The following PCDH7 variants were observed in gnomAD, a reference collection of about 807,000 sequenced individuals.
PCDH7 encodes protocadherin 7.
In PCDH7, 17 loss-of-function variants were observed where a neutral mutation model predicts 58.9. The ratio of observed to expected loss-of-function variants is 0.29; its 90% CI spans 0.20 to 0.43. The LOEUF is 0.43. Among genes scored for constraint, PCDH7 ranks in the 20% least tolerant of loss-of-function variants. PCDH7 has a pLI of 1.00. For synonymous variants in PCDH7, 664 were observed against 616.4 expected (o/e 1.08, Z -1.14); for missense variants, 1,274 against 1,441.0 (o/e 0.88, Z 1.88).
chr4:31,115,901 G>T (rs1716930499), intron 3 of PCDH7, among the ~76,000 whole-genome samples: 5 of 152,020 alleles, frequency 3.3e-5, no homozygotes, highest in South Asian at 4.2e-4. Context: ...AACCTCCATT[G>T]TATCCAGAGG....
At chr4:30,931,129 A>C (rs1278914598) in intron 2 of PCDH7, among the ~76,000 whole-genome samples, 1 of 152,310 alleles carries the variant, frequency 6.6e-6, no homozygotes, top group East Asian at 1.9e-4. Context: ...GGACATTTGC[A>C]TGGGAGGTAT....
intron 3 of PCDH7, among the ~76,000 whole-genome samples, chr4:31,025,014 G>A (rs893027486): frequency 1.3e-5 from 2 of 152,138 alleles, no homozygotes; most frequent in South Asian, 2.1e-4. Flanking sequence ...GAGTGCTGGC[G>A]TTTCAGGCGT....
chr4:30,939,693 G>T (rs35036278), intron 2 of PCDH7, among the ~76,000 whole-genome samples: 1 of 151,736 alleles, frequency 6.6e-6, no homozygotes, highest in South Asian at 2.1e-4. Flanking sequence ...AATTTAATAC[G>T]CACATTGGAG....
chr4:30,757,866 A>C (rs1385902646), intron 1 of PCDH7, among the ~76,000 whole-genome samples: 1 of 152,212 alleles, frequency 6.6e-6, no homozygotes, highest in Non-Finnish European at 1.5e-5. Flanking sequence ...GAGTGATCAG[A>C]TTAGTGACTG....
chr4:30,798,812 A>G (rs1249425232), intron 1 of PCDH7, among the ~76,000 whole-genome samples: 2 of 152,216 alleles, frequency 1.3e-5, no homozygotes, highest in Non-Finnish European at 2.9e-5. Flanking sequence ...TAACTGTTCA[A>G]GTTATAAACT....
chr4:31,026,028 A>G (rs193148967), intron 3 of PCDH7, among the ~76,000 whole-genome samples: 1 of 152,316 alleles, frequency 6.6e-6, no homozygotes, highest in East Asian at 1.9e-4. Context: ...TATGTGTCAA[A>G]CAATTTACCA....
intron 3 of PCDH7, among the ~76,000 whole-genome samples, chr4:31,041,323 A>G (rs1224483786): frequency 6.6e-6 from 1 of 152,140 alleles, no homozygotes; most frequent in East Asian, 1.9e-4. Context: ...TGATGAAAAT[A>G]TTTTAGTAAT....
chr4:31,013,999 G>A (rs965731304), intron 3 of PCDH7, among the ~76,000 whole-genome samples: 2 of 151,996 alleles, frequency 1.3e-5, no homozygotes, highest in African/African-American at 2.4e-5. Flanking sequence ...AAATCATACA[G>A]CAATAAAAAC....
At chr4:30,861,439 A>G (rs1734184933) in intron 1 of PCDH7, among the ~76,000 whole-genome samples, 1 of 152,184 alleles carries the variant, frequency 6.6e-6, no homozygotes, top group South Asian at 2.1e-4. Context: ...TATATGCACA[A>G]TGTAGTTGAA....
intron 1 of PCDH7, among the ~76,000 whole-genome samples, chr4:30,840,673 A>G (rs1731093174): frequency 6.6e-6 from 1 of 152,128 alleles, no homozygotes; most frequent in Non-Finnish European, 1.5e-5. Flanking sequence ...TACTTGTCCT[A>G]TTTCTGAGGA....
At chr4:31,030,079 G>A (rs1426928998) in intron 3 of PCDH7, among the ~76,000 whole-genome samples, 2 of 151,996 alleles carry the variant, frequency 1.3e-5, no homozygotes, top group Non-Finnish European at 2.9e-5. Context: ...GCAGTCATTA[G>A]TACTTCTAAC....
At chr4:30,977,338 A>G (rs1750161542) in intron 3 of PCDH7, among the ~76,000 whole-genome samples, 1 of 152,118 alleles carries the variant, frequency 6.6e-6, no homozygotes, top group Non-Finnish European at 1.5e-5. Flanking sequence ...TTCCTGACCT[A>G]TTCCCCCAGA....
intron 1 of PCDH7, among the ~76,000 whole-genome samples, chr4:30,905,360 C>T (rs1159014794): frequency 1.3e-5 from 2 of 151,888 alleles, no homozygotes; most frequent in Admixed American, 1.3e-4. Flanking sequence ...GTTTATCGAC[C>T]TCATTCAGCT....
intron 1 of PCDH7, among the ~76,000 whole-genome samples, chr4:30,813,722 A>G (rs1727292989): frequency 6.6e-6 from 1 of 152,026 alleles, no homozygotes; most frequent in Non-Finnish European, 1.5e-5. Flanking sequence ...GCTCACTGCA[A>G]CCTCCACCTT....
At chr4:30,978,434 T>G (rs1016237686) in intron 3 of PCDH7, among the ~76,000 whole-genome samples, 1 of 152,200 alleles carries the variant, frequency 6.6e-6, no homozygotes, top group African/African-American at 2.4e-5. Context: ...TAATAGCCCA[T>G]ATAGCCTTGG....
intron 1 of PCDH7, among the ~76,000 whole-genome samples, chr4:30,793,287 A>G (rs1346372013): frequency 7.2e-5 from 11 of 152,216 alleles, no homozygotes; most frequent in Non-Finnish European, 1.5e-4. Context: ...TACAATATGT[A>G]TCTTGCACTA....
At chr4:31,114,698 A>G (rs907927028) in intron 3 of PCDH7, among the ~76,000 whole-genome samples, 1 of 151,842 alleles carries the variant, frequency 6.6e-6, no homozygotes, top group African/African-American at 2.4e-5. Context: ...AGGAAGAGAG[A>G]GGAAGCAAAG....
intron 3 of PCDH7, among the ~76,000 whole-genome samples, chr4:31,041,132 C>A (rs1442045154): frequency 2.6e-5 from 4 of 152,122 alleles, no homozygotes; most frequent in African/African-American, 4.8e-5. Context: ...TAGTTTTATG[C>A]TTGCTTATCC....
intron 3 of PCDH7, among the ~76,000 whole-genome samples, chr4:30,952,582 T>C (rs970197675): frequency 3.3e-5 from 5 of 151,982 alleles, no homozygotes; most frequent in African/African-American, 1.2e-4. Context: ...GAAAGGATGT[T>C]AAAAGAATAT....
Sources: gnomAD v4.1 joint callset for allele counts (sites outside exome capture counted in the v4.1 genomes callset) on GRCh38, gnomAD v4.1.1 for gene constraint, MANE v1.5 for transcripts, NCBI Gene and HGNC (gene_info 2026-07-23, HGNC 2026-07-21) for gene names.